ASAP2: variants seen among roughly 807,000 people sequenced by gnomAD.
The protein encoded by ASAP2 is arf-GAP with SH3 domain, ANK repeat and PH domain-containing protein 2.
In ASAP2, 45 loss-of-function variants were observed where a neutral mutation model predicts 131.4. The ratio of observed to expected loss-of-function variants is 0.34; its 90% confidence interval spans 0.27 to 0.44. ASAP2 has a LOEUF of 0.44. Ranked by LOEUF, ASAP2 falls within the 20% of genes least tolerant of loss-of-function variation. ASAP2 has a pLI of 1.00. For synonymous variants in ASAP2, 510 were observed against 503.0 expected (o/e 1.01, Z -0.19); for missense variants, 1,011 against 1,297.0 (o/e 0.78, Z 3.39).
intron 27 of ASAP2, among the ~76,000 whole-genome samples, chr2:9,402,396 G>A (rs1676804091): frequency 6.6e-6 from 1 of 152,150 alleles, no homozygotes; most frequent in Non-Finnish European, 1.5e-5. Flanking sequence ...TTGGGAGGCC[G>A]AGGCAGGCGG....
At chr2:9,309,394 C>T (rs1163506638) in intron 3 of ASAP2, among the ~76,000 whole-genome samples, 3 of 152,172 alleles carry the variant, frequency 2.0e-5, no homozygotes, top group Non-Finnish European at 2.9e-5. Context: ...GGCGTACATG[C>T]GGGATGATTC....
chr2:9,391,006 G>A (rs1387130840), intron 22 of ASAP2, 56 bp from the exon 23 acceptor site: 9 of 1,613,110 alleles, frequency 5.6e-6, no homozygotes, highest in East Asian at 2.2e-5. Context: ...GTTTTTGTTC[G>A]TGTGTGCACG....
chr2:9,282,494 A>G (rs536458941), intron 2 of ASAP2, among the ~76,000 whole-genome samples: 1 of 152,228 alleles, frequency 6.6e-6, no homozygotes, highest in South Asian at 2.1e-4. Flanking sequence ...GATAGATTAA[A>G]TTTTTTTAGA....
At chr2:9,234,124 A>C (rs1210569464) in intron 1 of ASAP2, among the ~76,000 whole-genome samples, 1 of 151,774 alleles carries the variant, frequency 6.6e-6, no homozygotes, top group South Asian at 2.1e-4. Flanking sequence ...AAAAAAAAAA[A>C]AAAAAAAGGA....
intron 3 of ASAP2, among the ~76,000 whole-genome samples, chr2:9,315,555 G>T (rs979857110): frequency 4.6e-5 from 7 of 152,124 alleles, no homozygotes; most frequent in Non-Finnish European, 1.0e-4. Flanking sequence ...AGGAAGGAGA[G>T]CTGGCTGCAT....
At chr2:9,229,943 G>A (rs896478422) in intron 1 of ASAP2, among the ~76,000 whole-genome samples, 2 of 152,160 alleles carry the variant, frequency 1.3e-5, no homozygotes, top group African/African-American at 4.8e-5. Context: ...AGTGTGGGCT[G>A]GGGTAGAGAT....
At chr2:9,294,085 G>A (rs372146000) in intron 2 of ASAP2, among the ~76,000 whole-genome samples, 21 of 149,868 alleles carry the variant, frequency 1.4e-4, no homozygotes, top group African/African-American at 4.4e-4. Flanking sequence ...TGCAACCTCC[G>A]CTTTCTAGGT....
intron 20 of ASAP2, among the ~76,000 whole-genome samples, chr2:9,383,458 C>T (rs1361229593): frequency 6.6e-6 from 1 of 152,038 alleles, no homozygotes; most frequent in Non-Finnish European, 1.5e-5. Flanking sequence ...TGGGGTCTCG[C>T]TATGTTGCCT....
At position 9,317,433 on chromosome 2, in the gene ASAP2, TACTC is replaced by T. The variant is rs1292053196; in HGVS notation, c.346-1088_346-1085del. On this transcript the variant is annotated intron_variant, in intron 3 of 27. Transcript: ENST00000281419. ...ACATGCTCCCTCACACACCTACACA[TACTC>T]ACATTCTCACACACACATGTGCATT... 0.012 allele frequency among the ~76,000 whole-genome samples: 69 copies of T among 5,768 alleles called. No homozygotes were observed. In the East Asian group the frequency reaches 0.14, roughly 12 times the overall value. 3.8% of individuals were successfully genotyped at this position (5,768 alleles called of 152,430 possible). A position where few individuals can be genotyped will look rare whatever the true frequency, so the allele number is the denominator to read the frequency against.
chr2:9,245,809 G>C (rs906841766), intron 1 of ASAP2, among the ~76,000 whole-genome samples: 1 of 152,150 alleles, frequency 6.6e-6, no homozygotes, highest in Non-Finnish European at 1.5e-5. Context: ...GCTCCTGGGG[G>C]ACAGAGCCTT....
chr2:9,298,947 A>G (rs1668321902), intron 3 of ASAP2, among the ~76,000 whole-genome samples: 1 of 152,226 alleles, frequency 6.6e-6, no homozygotes, highest in Admixed American at 6.5e-5. Context: ...GGCCAGGGAC[A>G]CAACTATGGT....
At chr2:9,287,639 G>A (rs1225456577) in intron 2 of ASAP2, among the ~76,000 whole-genome samples, 4 of 152,186 alleles carry the variant, frequency 2.6e-5, no homozygotes, top group East Asian at 3.9e-4. Context: ...CAGACTGAGC[G>A]GCGAGCTGGT....
intron 3 of ASAP2, 119 bp downstream of exon 3, chr2:9,297,564 A>G: frequency 8.1e-7 from 1 of 1,239,362 alleles, no homozygotes; most frequent in Non-Finnish European, 1.1e-6. Flanking sequence ...TTGGGTACCC[A>G]AAAGAATTAT....
intron 21 of ASAP2, among the ~76,000 whole-genome samples, chr2:9,386,231 T>C (rs570580151): frequency 6.6e-6 from 1 of 152,058 alleles, no homozygotes; most frequent in African/African-American, 2.4e-5. Context: ...GGTAACCAGA[T>C]GGCATTTCTG....
chr2:9,272,035 T>C (rs1666437884), intron 1 of ASAP2, among the ~76,000 whole-genome samples: 1 of 152,164 alleles, frequency 6.6e-6, no homozygotes, highest in African/African-American at 2.4e-5. Context: ...AGCAGGTACC[T>C]CTTTAGTATA....
chr2:9,276,320 C>A (rs2148291038), intron 1 of ASAP2, among the ~76,000 whole-genome samples: 1 of 152,168 alleles, frequency 6.6e-6, no homozygotes, highest in South Asian at 2.1e-4. Flanking sequence ...GGGAAGACAG[C>A]AGGGGGAGGG....
Position 9,344,563 on chromosome 2 carries a change from G to T in ASAP2, c.881G>T (p.Ser294Ile). The T allele has an allele frequency of 6.2e-7, 1 of 1,614,162 alleles. No individual in the cohort carries two copies. The highest frequency in any genetic ancestry group is 2.2e-5 in the East Asian group (1 of 44,888). The stretch of plus-strand genomic sequence containing the variant: ...CAAATTCGTCAGAGCACAGCTTATA[G>T]CTTACATCAGCCTCAGGGAAACAAG... ...DSQIRQSTAY[S>I]LHQPQGNKEH... Residue 294 changes from serine (S) to isoleucine (I), a missense_variant, in exon 10 of 28, where the codon AGC becomes ATC. Ser to Ile is a moderately radical substitution (Grantham distance 142, BLOSUM62 -2). Coordinates refer to ENST00000281419, the MANE Select transcript of ASAP2 (RefSeq NM_003887.3).
intron 20 of ASAP2, among the ~76,000 whole-genome samples, chr2:9,382,507 C>G (rs1174800910): frequency 2.0e-5 from 3 of 152,220 alleles, no homozygotes; most frequent in Non-Finnish European, 4.4e-5. Context: ...TATCTACCTT[C>G]CTTGAGAGAA....
In ASAP2 at chr2:9,320,232, A is replaced by G. The variant is rs117389657; in HGVS notation, c.421-56A>G. ...GGCTAGTACAGGGATAAGTAAGTTT[A>G]TCTTGCACAGAAGTGAATGATTAGT... On this transcript the variant is annotated intron_variant, in intron 4 of 27. Transcript: ENST00000281419. The G allele has an allele frequency of 1.7e-5, 25 of 1,450,814 alleles. No individual in the cohort carries two copies. In the East Asian group the frequency reaches 4.6e-4, roughly 26 times the overall value. The allele number at this position is 1,450,814 out of a possible 1,614,324, so 89.9% of individuals were successfully genotyped here. A position where few individuals can be genotyped will look rare whatever the true frequency, so the allele number is the denominator to read the frequency against.
Sources: gnomAD v4.1 joint callset for allele counts (sites outside exome capture counted in the v4.1 genomes callset) on GRCh38, gnomAD v4.1.1 for gene constraint, MANE v1.5 for transcripts, NCBI Gene and HGNC (gene_info 2026-07-23, HGNC 2026-07-21) for gene names.